The following REEP6 variants were observed in gnomAD, a reference collection of about 807,000 sequenced individuals.
The protein encoded by REEP6 is receptor accessory protein 6.
In REEP6, 19 loss-of-function variants were observed where a neutral mutation model predicts 22.4. The observed-to-expected ratio is 0.85, with a 90% CI of 0.59 to 1.25. The LOEUF (loss-of-function observed/expected upper bound fraction) is 1.25. REEP6 is among the 50% of genes most tolerant of loss of function. The pLI is 0.00. For synonymous variants in REEP6, 121 were observed against 113.6 expected (o/e 1.06, Z -0.41); for missense variants, 273 against 251.9 (o/e 1.08, Z -0.57).
At chr19:1,494,573 T>G (rs1386429606) in intron 1 of REEP6, among the ~76,000 whole-genome samples, 1 of 152,186 alleles carries the variant, frequency 6.6e-6, no homozygotes, top group Non-Finnish European at 1.5e-5. Flanking sequence ...AGCTCTAGAA[T>G]CAAGTCTTCA....
At chr19:1,493,157 A>G (rs898056566) in intron 1 of REEP6, among the ~76,000 whole-genome samples, 17 of 151,950 alleles carry the variant, frequency 1.1e-4, no homozygotes, top group Non-Finnish European at 1.9e-4. Flanking sequence ...CTGATGTCCA[A>G]GGTCATCCTC....
Position 1,491,376 on chromosome 19 carries a change from T to C in REEP6, c.107T>C (p.Leu36Pro). 2 of 1,454,892 alleles carry C rather than the reference T, an allele frequency of 1.4e-6. No individual in the cohort carries two copies. The highest frequency in any genetic ancestry group is 1.4e-5 in the South Asian group (1 of 71,970). 90.1% of individuals were successfully genotyped at this position (1,454,892 alleles called of 1,614,324 possible). A position where few individuals can be genotyped will look rare whatever the true frequency, so the allele number is the denominator to read the frequency against. ...EAKTGVEKRY[L>P]AAGAVTLLSL... Reference sequence around the variant, plus strand: ...AAGACCGGGGTGGAGAAGCGGTATCTGGCTGCAGGTGAGCCGTCGGCGCTA... The same window carrying C: ...AAGACCGGGGTGGAGAAGCGGTATCCGGCTGCAGGTGAGCCGTCGGCGCTA... Residue 36 changes from leucine to proline, a missense_variant, in exon 1 of 5, where the codon CTG becomes CCG. Leu to Pro is a moderately conservative substitution (Grantham distance 98, BLOSUM62 -3). Coordinates refer to ENST00000233596, the MANE Select transcript of REEP6 (RefSeq NM_138393.4). The surrounding 1 kb of genome is among the most constrained non-coding windows in gnomAD (Gnocchi z 5.4).
intron 3 of REEP6, 130 bp downstream of exon 3, chr19:1,495,737 C>G (rs754251341): frequency 1.5e-6 from 2 of 1,321,764 alleles, no homozygotes; most frequent in Non-Finnish European, 1.0e-6. Flanking sequence ...AGTCCCTTCC[C>G]TGGGGAAACG....
In REEP6 at chr19:1,496,166, T is replaced by TC; in HGVS notation, c.349-119_349-118insC. On this transcript the variant is annotated intron_variant, in intron 3 of 4. Transcript: ENST00000233596. ...TGGCGGGCCCACCCTAAAGGGTGTCTGATGGTGGAGACCCAGTGCCTGTCC... is the reference window on the plus strand; with the variant it reads ...TGGCGGGCCCACCCTAAAGGGTGTCTCGATGGTGGAGACCCAGTGCCTGTCC... 3 of 1,260,302 alleles carry TC rather than the reference T, an allele frequency of 2.4e-6. No homozygotes were observed. The South Asian group carries it at 4.5e-5, about 19-fold the overall frequency. 78.1% of individuals were successfully genotyped at this position (1,260,302 alleles called of 1,614,324 possible).
chr19:1,496,237 G>A, intron 3 of REEP6, 48 bp from the exon 4 acceptor site: 2 of 1,563,360 alleles, frequency 1.3e-6, no homozygotes, highest in East Asian at 2.3e-5. Context: ...CCCCACCAGG[G>A]GCACAGAGCT....
At chr19:1,496,123 C>T in intron 3 of REEP6, 162 bp from the exon 4 acceptor site, 1 of 827,960 alleles carries the variant, frequency 1.2e-6, no homozygotes, top group South Asian at 1.9e-5. Context: ...AGGCCCATCC[C>T]AATAGGACGT....
rs1004712749 is a variant in REEP6, at chr19:1,496,236, G to A, written c.349-49G>A. The A allele has an allele frequency of 1.2e-5, 18 of 1,563,008 alleles. No homozygotes were observed. In the African/African-American group the frequency reaches 1.9e-4, roughly 16 times the overall value. On this transcript the variant is annotated intron_variant, in intron 3 of 4. Transcript: ENST00000233596. Reference sequence around the variant, plus strand: ...GTGGTGCAGCCCCTCTCCCCACCAGGGGCACAGAGCTGGGTGGGCCCGCGT... The same window carrying A: ...GTGGTGCAGCCCCTCTCCCCACCAGAGGCACAGAGCTGGGTGGGCCCGCGT...
chr19:1,495,747 G>C (rs1033552374), intron 3 of REEP6, 140 bp downstream of exon 3: 14 of 1,235,612 alleles, frequency 1.1e-5, no homozygotes, highest in African/African-American at 3.0e-5. Flanking sequence ...CTGGGGAAAC[G>C]AGCCCTGTCC....
Position 1,497,369 on chromosome 19 carries a change from C to T in REEP6, c.*158C>T. On this transcript the variant is annotated 3_prime_UTR_variant, in exon 5 of 5. Coordinates refer to ENST00000233596, the MANE Select transcript of REEP6 (RefSeq NM_138393.4). The surrounding 1 kb of genome is among the most constrained non-coding windows in gnomAD (Gnocchi z 6.5). ...CCCTGGGGGTCTCCTTAAATGCCACCTCGGGCAAGTCCCAGTCCCAGTCCT... is the reference window on the plus strand; with the variant it reads ...CCCTGGGGGTCTCCTTAAATGCCACTTCGGGCAAGTCCCAGTCCCAGTCCT... 1.3e-6 allele frequency: 1 copy of T among 753,106 alleles called. No individual in the cohort carries two copies. The allele number at this position is 753,106 out of a possible 1,614,324, so 46.7% of individuals were successfully genotyped here.
chr19:1,496,900 G>A (rs920932307), intron 4 of REEP6, among the ~76,000 whole-genome samples: 2 of 152,132 alleles, frequency 1.3e-5, no homozygotes, highest in Non-Finnish European at 2.9e-5. Context: ...GTGCCCACGT[G>A]TGCATGTGAG....
At position 1,497,816 on chromosome 19, in the gene REEP6, C is replaced by G. The variant is rs2085022929; in HGVS notation, c.*605C>G. 2.1e-6 allele frequency: 1 copy of G among 470,540 alleles called. No individual in the cohort carries two copies. The highest frequency in any genetic ancestry group is 2.0e-5 in the African/African-American group (1 of 50,054). 29.1% of individuals were successfully genotyped at this position (470,540 alleles called of 1,614,324 possible). ...CTCTGGAGTACACTTCGGAGTCCAC[C>G]ACCGAGATCACCTGCAGCTGGCCAC... On this transcript the variant is annotated 3_prime_UTR_variant, in exon 5 of 5. Coordinates refer to ENST00000233596, the MANE Select transcript of REEP6 (RefSeq NM_138393.4). The surrounding 1 kb of genome is among the most constrained non-coding windows in gnomAD (Gnocchi z 6.5).
At chr19:1,492,266 C>G (rs1213689172) in intron 1 of REEP6, among the ~76,000 whole-genome samples, 3 of 151,998 alleles carry the variant, frequency 2.0e-5, no homozygotes, top group Non-Finnish European at 4.4e-5. Context: ...AGGTACCCAC[C>G]ACCATGCCCG....
chr19:1,496,027 G>T (rs1430941579), intron 3 of REEP6: 3 of 558,520 alleles, frequency 5.4e-6, no homozygotes, highest in Non-Finnish European at 9.5e-6. Context: ...CCTAAAGTGT[G>T]TCTGACGGTG....
At position 1,497,417 on chromosome 19, in the gene REEP6, C is replaced by T. The variant is rs772352322; in HGVS notation, c.*206C>T. On this transcript the variant is annotated 3_prime_UTR_variant, in exon 5 of 5. Coordinates refer to ENST00000233596, the MANE Select transcript of REEP6 (RefSeq NM_138393.4). The surrounding 1 kb of genome is among the most constrained non-coding windows in gnomAD (Gnocchi z 6.5). ...CCTCGGCCACCCCCAGCTCTGGATC[C>T]CAGGGCCAGCTGCCCTCTGGCTCTG... 4 of 713,966 alleles carry T rather than the reference C, an allele frequency of 5.6e-6. No individual in the cohort carries two copies. The highest frequency in any genetic ancestry group is 2.0e-5 in the Admixed American group (1 of 49,868). The allele number at this position is 713,966 out of a possible 1,614,324, so 44.2% of individuals were successfully genotyped here.
In REEP6 at chr19:1,491,223, T is replaced by G; in HGVS notation, c.-47T>G. 5 of 1,353,872 alleles carry G rather than the reference T, an allele frequency of 3.7e-6. No homozygotes were observed. Among genetic ancestry groups the G allele is most frequent in the Non-Finnish European group, 4.9e-6 (5 of 1,016,498 alleles). The allele number at this position is 1,353,872 out of a possible 1,614,324, so 83.9% of individuals were successfully genotyped here. Reference sequence around the variant, plus strand: ...TGCGCGTGCAGCGGGGTGGGTGCCCTGGTCCGCGGGCGAGCTCGAGCAGCC... The same window carrying G: ...TGCGCGTGCAGCGGGGTGGGTGCCCGGGTCCGCGGGCGAGCTCGAGCAGCC... On this transcript the variant is annotated 5_prime_UTR_variant, in exon 1 of 5. Transcript: ENST00000233596. The surrounding 1 kb of genome is among the most constrained non-coding windows in gnomAD (Gnocchi z 5.4).
intron 3 of REEP6, 122 bp from the exon 4 acceptor site, chr19:1,496,163 G>C: frequency 8.1e-7 from 1 of 1,229,242 alleles, no homozygotes; most frequent in South Asian, 1.5e-5. Context: ...CCTAAAGGGT[G>C]TCTGATGGTG....
rs760800980 is a variant in REEP6 at position 1,491,947 on chromosome 19, G to A, written c.115+563G>A. ...TTGGGTTGTCTGACGGCTGTGATGT[G>A]GGGAGGCTGGACTGGGGCCCACAGA... On this transcript the variant is annotated intron_variant, in intron 1 of 4. Coordinates refer to ENST00000233596, the MANE Select transcript of REEP6 (RefSeq NM_138393.4). The surrounding 1 kb of genome is among the most constrained non-coding windows in gnomAD (Gnocchi z 5.4). 2.6e-5 allele frequency among the ~76,000 whole-genome samples: 4 copies of A among 152,182 alleles called. No homozygotes were observed. Among genetic ancestry groups the A allele is most frequent in the Admixed American group, 6.5e-5 (1 of 15,286 alleles).
In REEP6 at chr19:1,495,461, C is replaced by T; in HGVS notation, c.210-8C>T. The T allele has an allele frequency of 6.2e-7, 1 of 1,613,906 alleles. No homozygotes were observed. Among genetic ancestry groups the T allele is most frequent in the Non-Finnish European group, 8.5e-7 (1 of 1,179,990 alleles). Reference sequence around the variant, plus strand: ...GCAGCCCCTGACCCTGCTGCACCCTCCCTGCAGAATCAAAGCTATCGAGAG... The same window carrying T: ...GCAGCCCCTGACCCTGCTGCACCCTTCCTGCAGAATCAAAGCTATCGAGAG... On this transcript the variant is annotated splice_region_variant and splice_polypyrimidine_tract_variant and intron_variant, in intron 2 of 4. Coordinates refer to ENST00000233596, the MANE Select transcript of REEP6 (RefSeq NM_138393.4).
Position 1,496,422 on chromosome 19 carries a change from C to T in REEP6, c.486C>T (p.Ala162=), listed in dbSNP as rs2145478971. ...DRIMNDLSGR[A]LDAAAGITRN... ...TCATGAACGACCTCAGCGGGCGAGC[C>T]CTGGACGCGGCGGCCGGAATAACCA... The change falls in exon 4 of 5, where the codon GCC becomes GCT. Residue 162 remains alanine (A), a synonymous_variant. Transcript: ENST00000233596. The T allele has an allele frequency of 6.2e-7, 1 of 1,612,902 alleles. No individual in the cohort carries two copies. Among genetic ancestry groups the T allele is most frequent in the Non-Finnish European group, 8.5e-7 (1 of 1,179,704 alleles).
Sources: gnomAD v4.1 joint callset for allele counts (sites outside exome capture counted in the v4.1 genomes callset) on GRCh38, gnomAD v4.1.1 for gene constraint, Gnocchi (gnomAD v3.1) non-coding constraint, MANE v1.5 for transcripts, NCBI Gene and HGNC (gene_info 2026-07-23, HGNC 2026-07-21) for gene names.